Variants in LPP observed in about 807,000 individuals in gnomAD.
The protein encoded by LPP is lipoma-preferred partner.
In LPP, 38 loss-of-function variants were observed where a neutral mutation model predicts 60.4. That is an observed-to-expected ratio of 0.63 (90% CI 0.49 to 0.83). LPP has a LOEUF of 0.83. LPP is among the 40% of genes least tolerant of loss of function. The pLI, the probability that LPP is intolerant of heterozygous loss-of-function variation, is 0.00. For missense variants in LPP, 902 were observed against 783.6 expected (o/e 1.15, Z -1.80); for synonymous variants, 328 against 290.8 (o/e 1.13, Z -1.30).
intron 9 of LPP, among the ~76,000 whole-genome samples, chr3:188,838,031 C>G (rs554832097): frequency 6.6e-5 from 10 of 152,096 alleles, no homozygotes; most frequent in Non-Finnish European, 1.3e-4. Flanking sequence ...TATTAAAAAG[C>G]CTATCTCTAG....
intron 7 of LPP, among the ~76,000 whole-genome samples, chr3:188,673,892 GTTT>G (rs11326051): frequency 1.5e-5 from 2 of 137,914 alleles, no homozygotes; most frequent in South Asian, 4.6e-4. Flanking sequence ...TTTCTTTTTT[GTTT>G]TTTTTTTTTT....
At chr3:188,789,099 T>G (rs1577562241) in intron 9 of LPP, among the ~76,000 whole-genome samples, 1 of 77,776 alleles carries the variant, frequency 1.3e-5, no homozygotes, top group Non-Finnish European at 2.2e-5. Context: ...TGTTGTTGGG[T>G]TTTTTTTTTA....
At chr3:188,526,438 C>T (rs554831098) in intron 6 of LPP, among the ~76,000 whole-genome samples, 20 of 152,156 alleles carry the variant, frequency 1.3e-4, no homozygotes, top group African/African-American at 4.3e-4. Context: ...ATTCCAGGTG[C>T]CTGCCACCAC....
chr3:188,216,494 C>T (rs1015720672), intron 1 of LPP, among the ~76,000 whole-genome samples: 1 of 152,180 alleles, frequency 6.6e-6, no homozygotes, highest in African/African-American at 2.4e-5. Flanking sequence ...TGGTTTTCAA[C>T]TCCTGACCTC....
At chr3:188,453,551 C>T (rs114329946) in intron 4 of LPP, among the ~76,000 whole-genome samples, 1,765 of 152,060 alleles carry the variant, frequency 0.012, 34 homozygotes, top group African/African-American at 0.04. Context: ...AGTTGCTTCC[C>T]TTTACAATCT....
chr3:188,759,446 G>A (rs1029357159), intron 8 of LPP: 1 of 152,384 alleles, frequency 6.6e-6, no homozygotes, highest in Admixed American at 6.5e-5. Flanking sequence ...TGTATTAAAG[G>A]ATGTCAAGTC....
intron 6 of LPP, among the ~76,000 whole-genome samples, chr3:188,594,620 T>G (rs906956988): frequency 6.6e-6 from 1 of 152,212 alleles, no homozygotes; most frequent in African/African-American, 2.4e-5. Flanking sequence ...TGATTGCATT[T>G]TTCAAAAAGA....
intron 8 of LPP, among the ~76,000 whole-genome samples, chr3:188,726,718 TTTTG>T (rs1246506629): frequency 1.3e-5 from 2 of 152,210 alleles, no homozygotes; most frequent in East Asian, 3.8e-4. Context: ...CTTTTCCATT[TTTTG>T]TTTGTTTGAT....
chr3:188,710,900 G>C (rs1459715030), intron 8 of LPP: 3 of 152,142 alleles, frequency 2.0e-5, no homozygotes, highest in African/African-American at 2.4e-5. Context: ...ACTTGAACAA[G>C]TATTATTCCC....
At chr3:188,707,017 G>C (rs1865611412) in intron 7 of LPP, among the ~76,000 whole-genome samples, 1 of 151,982 alleles carries the variant, frequency 6.6e-6, no homozygotes, top group Non-Finnish European at 1.5e-5. Context: ...ATAGCACAAA[G>C]CTACTTTAAA....
At chr3:188,428,597 T>TATATATA (rs1553895830) in intron 4 of LPP, among the ~76,000 whole-genome samples, 37 of 109,352 alleles carry the variant, frequency 3.4e-4, no homozygotes, top group African/African-American at 1.1e-3. Context: ...TATATATATA[T>TATATATA]TTTTTTTTTT....
At chr3:188,661,977 C>T (rs1449841394) in intron 7 of LPP, among the ~76,000 whole-genome samples, 1 of 152,176 alleles carries the variant, frequency 6.6e-6, no homozygotes, top group Non-Finnish European at 1.5e-5. Flanking sequence ...ACTGTTATTG[C>T]AGTGCACTTG....
At chr3:188,664,039 T>C (rs1855212092) in intron 7 of LPP, among the ~76,000 whole-genome samples, 1 of 152,202 alleles carries the variant, frequency 6.6e-6, no homozygotes, top group Admixed American at 6.5e-5. Flanking sequence ...TTTATACTGT[T>C]AAATGTCACT....
At chr3:188,804,243 T>TTTTTTATA (rs1322626096) in intron 9 of LPP, among the ~76,000 whole-genome samples, 1 of 37,698 alleles carries the variant, frequency 2.7e-5, no homozygotes, top group African/African-American at 1.1e-4. Context: ...TAGTGCATCT[T>TTTTTTATA]TATATATATA....
At chr3:188,502,686 CTG>C (rs986141576) in intron 5 of LPP, among the ~76,000 whole-genome samples, 4 of 152,142 alleles carry the variant, frequency 2.6e-5, no homozygotes, top group African/African-American at 9.7e-5. Flanking sequence ...CCCACTAAAA[CTG>C]TCTTAAGTTG....
chr3:188,339,939 C>T (rs553486303), intron 2 of LPP, among the ~76,000 whole-genome samples: 1 of 152,316 alleles, frequency 6.6e-6, no homozygotes, highest in South Asian at 2.1e-4. Flanking sequence ...TAATGTGTCA[C>T]CTTCTGGTTA....
intron 6 of LPP, among the ~76,000 whole-genome samples, chr3:188,585,415 T>G (rs1398841999): frequency 1.3e-5 from 2 of 152,208 alleles, no homozygotes; most frequent in Non-Finnish European, 2.9e-5. Context: ...GGCTGACTTC[T>G]GAGCTTGAGC....
chr3:188,489,587 T>A (rs1653000289), intron 5 of LPP, among the ~76,000 whole-genome samples: 1 of 152,210 alleles, frequency 6.6e-6, no homozygotes, highest in Non-Finnish European at 1.5e-5. Flanking sequence ...TAGGGGCTTG[T>A]TATTATTTTA....
intron 7 of LPP, among the ~76,000 whole-genome samples, chr3:188,612,939 G>A (rs1019973637): frequency 6.6e-6 from 1 of 152,012 alleles, no homozygotes; most frequent in African/African-American, 2.4e-5. Context: ...AAAAAATGAA[G>A]AAAGGAAAGA....
Sources: allele counts gnomAD v4.1 joint callset (sites outside exome capture counted in the v4.1 genomes callset), GRCh38; gene constraint gnomAD v4.1.1; transcripts MANE v1.5; gene names NCBI Gene and HGNC (gene_info 2026-07-23, HGNC 2026-07-21).